CREB3L3: variants seen among roughly 807,000 people sequenced by gnomAD.
CREB3L3 encodes cyclic AMP-responsive element-binding protein 3-like protein 3.
Under a neutral mutation model 44.6 loss-of-function variants are expected in CREB3L3, and 40 were observed. That is an observed-to-expected ratio of 0.90 (90% CI 0.70 to 1.17). The LOEUF is 1.17. CREB3L3 is among the 50% of genes most tolerant of loss of function. The pLI, the probability that CREB3L3 is intolerant of heterozygous loss-of-function variation, is 0.00. For missense variants in CREB3L3, 578 were observed against 595.8 expected (o/e 0.97, Z 0.31); for synonymous variants, 273 against 256.3 (o/e 1.06, Z -0.62).
chr19:4,155,095 G>A, intron 2 of CREB3L3, 68 bp downstream of exon 2: 1 of 1,588,498 alleles, frequency 6.3e-7, no homozygotes, highest in Non-Finnish European at 8.5e-7. Flanking sequence ...GCCCCACGAA[G>A]GTGCTAGACC....
At chr19:4,163,725 C>G (rs2041690648) in intron 4 of CREB3L3, among the ~76,000 whole-genome samples, 1 of 151,356 alleles carries the variant, frequency 6.6e-6, no homozygotes, top group South Asian at 2.1e-4. Context: ...GTTGGCCAGG[C>G]TAGTCTCGAA....
chr19:4,159,870 T>G (rs2041636643), intron 4 of CREB3L3, 88 bp downstream of exon 4: 9 of 765,596 alleles, frequency 1.2e-5, no homozygotes, highest in Non-Finnish European at 2.2e-5. Context: ...TTTCAGAGAC[T>G]GGAAAACTGA....
At chr19:4,161,544 A>G (rs1439493184) in intron 4 of CREB3L3, among the ~76,000 whole-genome samples, 1 of 152,144 alleles carries the variant, frequency 6.6e-6, no homozygotes, top group Non-Finnish European at 1.5e-5. Flanking sequence ...TGCCCATTGC[A>G]CACCAATTGA....
chr19:4,159,845 G>A, intron 4 of CREB3L3, 63 bp downstream of exon 4: 1 of 802,200 alleles, frequency 1.2e-6, no homozygotes, highest in Non-Finnish European at 2.3e-6. Flanking sequence ...GGTTCGAGGA[G>A]CCTAAATATC....
In CREB3L3 at chr19:4,171,982, C is replaced by G; in HGVS notation, c.*13C>G. 6.3e-7 allele frequency: 1 copy of G among 1,575,838 alleles called. No homozygotes were observed. Among genetic ancestry groups the G allele is most frequent in the African/African-American group, 1.3e-5 (1 of 74,302 alleles). On this transcript the variant is annotated 3_prime_UTR_variant, in exon 10 of 10. Transcript: ENST00000078445. The surrounding 1 kb of genome is among the most constrained non-coding windows in gnomAD (Gnocchi z 4.9). ...AGACGAGCTGTGAGCCCCGCCAGGA[C>G]TATGCTCCCAGGCCCCTCTGCCCAG...
intron 5 of CREB3L3, 56 bp from the exon 6 acceptor site, chr19:4,168,295 G>A (rs535521091): frequency 5.7e-6 from 8 of 1,395,708 alleles, no homozygotes; most frequent in Admixed American, 3.4e-5. Flanking sequence ...TACTGCCCCC[G>A]GACTCCAAGT....
At chr19:4,170,341 G>T (rs1444214199) in intron 7 of CREB3L3, 133 bp downstream of exon 7, 22 of 861,784 alleles carry the variant, frequency 2.6e-5, no homozygotes, top group Non-Finnish European at 3.8e-5. Context: ...CGCGTGCAGT[G>T]GCTCACGCCT....
At chr19:4,154,339 T>C (rs1467831315) in intron 1 of CREB3L3, among the ~76,000 whole-genome samples, 1 of 152,122 alleles carries the variant, frequency 6.6e-6, no homozygotes, top group African/African-American at 2.4e-5. Flanking sequence ...CCCAGAGTGC[T>C]GGGATTACAG....
At chr19:4,168,007 T>TTATTTATTTATC (rs1966957921) in intron 5 of CREB3L3, among the ~76,000 whole-genome samples, 1 of 135,940 alleles carries the variant, frequency 7.4e-6, no homozygotes, top group African/African-American at 2.6e-5. Context: ...ATTTATCTAT[T>TTATTTATTTATC]TATTTATTGA....
Position 4,171,543 on chromosome 19 carries a change from G to A in CREB3L3, c.1072+64G>A. On this transcript the variant is annotated intron_variant, in intron 9 of 9. Coordinates refer to ENST00000078445, the MANE Select transcript of CREB3L3 (RefSeq NM_032607.3). The surrounding 1 kb of genome is among the most constrained non-coding windows in gnomAD (Gnocchi z 4.9). ...CCCAAGTCCCCGTCCTGGGCCTCTG[G>A]GGGAGGGGGAGAAGACCCCTGTGCC... is the stretch of plus-strand genomic sequence containing the variant. 1 of 1,603,820 alleles carries A rather than the reference G, an allele frequency of 6.2e-7. No individual in the cohort carries two copies. The highest frequency in any genetic ancestry group is 8.5e-7 in the Non-Finnish European group (1 of 1,171,044).
intron 2 of CREB3L3, 71 bp downstream of exon 2, chr19:4,155,098 G>A: frequency 1.3e-6 from 2 of 1,581,514 alleles, no homozygotes; most frequent in Admixed American, 1.7e-5. Flanking sequence ...CCACGAAGGT[G>A]CTAGACCCGC....
chr19:4,168,509 G>T, intron 6 of CREB3L3, 52 bp downstream of exon 6: 2 of 1,415,812 alleles, frequency 1.4e-6, no homozygotes, highest in East Asian at 2.5e-5. Context: ...CTGAGGCCCA[G>T]AGAGAAGGAG....
At position 4,157,239 on chromosome 19, in the gene CREB3L3, C is replaced by G. The variant is rs770240251; in HGVS notation, c.401C>G (p.Thr134Ser). The stretch of plus-strand genomic sequence containing the variant: ...TATCATCCTGGCAACTCTTGCTCCA[C>G]CACAACCCCAGGGCCAGTGATCCAA... ...LSYHPGNSCS[T>S]TTPGPVIQVP... is the part of the protein sequence containing the mutation. Residue 134 changes from threonine (T) to serine (S), a missense_variant, in exon 3 of 10, where the codon ACC (threonine) becomes AGC (serine). Thr to Ser is a moderately conservative substitution (Grantham distance 58). Transcript: ENST00000078445. 6.2e-7 allele frequency: 1 copy of G among 1,614,026 alleles called. No individual in the cohort carries two copies. Among genetic ancestry groups the G allele is most frequent in the Non-Finnish European group, 8.5e-7 (1 of 1,180,026 alleles).
chr19:4,164,225 G>A lies in CREB3L3; in HGVS notation c.577-278G>A, dbSNP rs866158201. Among the ~76,000 whole-genome samples the A allele has an allele frequency of 5.9e-5, 9 of 151,756 alleles. 1 individual carries two copies. The Middle Eastern group carries it at 0.014, about 229-fold the overall frequency. On this transcript the variant is annotated intron_variant, in intron 4 of 9. Coordinates refer to ENST00000078445, the MANE Select transcript of CREB3L3 (RefSeq NM_032607.3). ...CCTGACCTAGTGATTTGCCCACCTC[G>A]GCCTCCCAAAGTGCTGGGATTACAG...
At chr19:4,167,202 G>C (rs561932994) in intron 5 of CREB3L3, among the ~76,000 whole-genome samples, 12 of 152,096 alleles carry the variant, frequency 7.9e-5, no homozygotes, top group African/African-American at 2.9e-4. Context: ...AATTAGCCAG[G>C]CATGGTGTTG....
Position 4,170,137 on chromosome 19 carries a change from C to T in CREB3L3, c.822-3C>T. ...GAATGTCGATGCGTCTTCCTCCTTTCAGGATGTCAGCTTGCACTGCTCAGA... is the reference window on the plus strand; with the variant it reads ...GAATGTCGATGCGTCTTCCTCCTTTTAGGATGTCAGCTTGCACTGCTCAGA... On this transcript the variant is annotated splice_region_variant and splice_polypyrimidine_tract_variant and intron_variant, in intron 6 of 9. Transcript: ENST00000078445. 6.2e-7 allele frequency: 1 copy of T among 1,614,028 alleles called. No individual in the cohort carries two copies. Among genetic ancestry groups the T allele is most frequent in the Non-Finnish European group, 8.5e-7 (1 of 1,179,944 alleles).
chr19:4,160,103 C>G (rs996996156), intron 4 of CREB3L3, among the ~76,000 whole-genome samples: 2 of 151,920 alleles, frequency 1.3e-5, no homozygotes, highest in African/African-American at 2.4e-5. Context: ...TGAGACCAGC[C>G]TGGGCAACAT....
At chr19:4,163,535 G>A (rs2041688648) in intron 4 of CREB3L3, among the ~76,000 whole-genome samples, 1 of 152,064 alleles carries the variant, frequency 6.6e-6, no homozygotes, top group Non-Finnish European at 1.5e-5. Context: ...GATAGTTTTT[G>A]TTGTTGCTGT....
At chr19:4,162,665 C>T (rs760207334) in intron 4 of CREB3L3, among the ~76,000 whole-genome samples, 11 of 151,838 alleles carry the variant, frequency 7.2e-5, no homozygotes, top group Non-Finnish European at 1.2e-4. Context: ...GCCTGGGTGA[C>T]ACAGTGACAT....
Sources: gnomAD v4.1 joint callset for allele counts (sites outside exome capture counted in the v4.1 genomes callset) on GRCh38, gnomAD v4.1.1 for gene constraint, Gnocchi (gnomAD v3.1) non-coding constraint, MANE v1.5 for transcripts, NCBI Gene and HGNC (gene_info 2026-07-23, HGNC 2026-07-21) for gene names.